The following LPA variants were observed in gnomAD, a reference collection of about 807,000 sequenced individuals.
The protein encoded by LPA is apolipoprotein(a).
LPA carries 199 observed loss-of-function variants against 197.9 expected under a neutral mutation model. The observed-to-expected ratio is 1.01, with a 90% CI of 0.90 to 1.13. LPA has a LOEUF of 1.13. Ranked by LOEUF, LPA falls within the 50% of genes most tolerant of loss-of-function variation. The pLI, the probability that LPA is intolerant of heterozygous loss-of-function variation, is 0.00. For missense variants in LPA, 1,853 were observed against 1,785.8 expected (o/e 1.04, Z -0.68); for synonymous variants, 715 against 639.5 (o/e 1.12, Z -1.78).
intron 1 of LPA, among the ~76,000 whole-genome samples, chr6:160,662,523 T>C (rs769420587): frequency 7.2e-5 from 11 of 152,180 alleles, no homozygotes; most frequent in Non-Finnish European, 1.6e-4. Flanking sequence ...CCCAGGTCGA[T>C]TAAAACATAT....
Position 160,589,589 on chromosome 6 carries a change from T to C in LPA, c.3911A>G (p.His1304Arg). 1 of 1,613,894 alleles carries C rather than the reference T, an allele frequency of 6.2e-7. No homozygotes were observed. Among genetic ancestry groups the C allele is most frequent in the Non-Finnish European group, 8.5e-7 (1 of 1,179,848 alleles). Residue 1304 changes from histidine to arginine, a missense_variant, in exon 24 of 39, where the codon CAC (histidine) becomes CGC (arginine). This residue lies in a region of LPA where 1,737 missense variants were observed against 1,504.4 expected (regional missense o/e 1.15). Coordinates refer to ENST00000316300, the MANE Select transcript of LPA (RefSeq NM_005577.4). Reference sequence around the variant, plus strand: ...GTATTCTGTGGTTCTCTGATGCCAGTGTGGTGTCATAGAGGACCAAGACTG... The same window carrying C: ...GTATTCTGTGGTTCTCTGATGCCAGCGTGGTGTCATAGAGGACCAAGACTG... ...TCQSWSSMTPHWHQRTTEYYP... is the reference protein window; with the variant it reads ...TCQSWSSMTPRWHQRTTEYYP...
intron 1 of LPA, among the ~76,000 whole-genome samples, chr6:160,656,550 A>T (rs1343982236): frequency 1.3e-5 from 2 of 152,194 alleles, no homozygotes; most frequent in Non-Finnish European, 2.9e-5. Flanking sequence ...CGTTTTGGGT[A>T]CCCTGGAATC....
At chr6:160,566,967 A>AATACAGGAGCAC (rs1237040626) in intron 28 of LPA, among the ~76,000 whole-genome samples, 8 of 152,230 alleles carry the variant, frequency 5.3e-5, no homozygotes. Context: ...ATATGCACCC[A>AATACAGGAGCAC]ATACAGGAGC....
rs771744742 is a variant in LPA, at chr6:160,585,033, A to G, written c.4289+13T>C. On this transcript the variant is annotated intron_variant, in intron 26 of 38. Coordinates refer to ENST00000316300, the MANE Select transcript of LPA (RefSeq NM_005577.4). ...GACTATTGTTCCTTTTATGGCTAAC[A>G]TGATAGACATACGCATTTGGATAGT... 4 of 1,613,526 alleles carry G rather than the reference A, an allele frequency of 2.5e-6. No homozygotes were observed. Among genetic ancestry groups the G allele is most frequent in the Admixed American group, 1.7e-5 (1 of 60,002 alleles).
chr6:160,541,739 C>A (rs183426095), intron 34 of LPA, among the ~76,000 whole-genome samples: 1 of 152,078 alleles, frequency 6.6e-6, no homozygotes, highest in African/African-American at 2.4e-5. Context: ...AGCCAGATTG[C>A]AACGAAGAGG....
chr6:160,555,238 A>T (rs1010892412), intron 30 of LPA, among the ~76,000 whole-genome samples: 7 of 119,950 alleles, frequency 5.8e-5, no homozygotes, highest in Non-Finnish European at 5.0e-5. Context: ...TATATATATT[A>T]ATTATATTAT....
chr6:160,594,497 A>G (rs1002785197), intron 21 of LPA, among the ~76,000 whole-genome samples: 1 of 152,232 alleles, frequency 6.6e-6, no homozygotes, highest in Non-Finnish European at 1.5e-5. Context: ...CAGTGGGGAC[A>G]GACATGAAAC....
chr6:160,551,628 T>C (rs1798585837), intron 30 of LPA, among the ~76,000 whole-genome samples: 1 of 152,236 alleles, frequency 6.6e-6, no homozygotes, highest in Non-Finnish European at 1.5e-5. Flanking sequence ...GTGAAGATTT[T>C]ATATTTTTTC....
At chr6:160,577,047 G>C in intron 28 of LPA, 89 bp downstream of exon 28, 1 of 1,511,100 alleles carries the variant, frequency 6.6e-7, no homozygotes, top group South Asian at 1.1e-5. Context: ...AGAGAAATTT[G>C]TCCCTAGGAA....
chr6:160,592,656 T>C (rs554877519), intron 22 of LPA, among the ~76,000 whole-genome samples: 1 of 152,346 alleles, frequency 6.6e-6, no homozygotes, highest in South Asian at 2.1e-4. Context: ...TTGTATTCGT[T>C]CCTTACCTCT....
intron 26 of LPA, among the ~76,000 whole-genome samples, chr6:160,582,471 T>C (rs1431202472): frequency 6.6e-6 from 1 of 152,100 alleles, no homozygotes; most frequent in African/African-American, 2.4e-5. Context: ...TCTGATTTGA[T>C]CTTTTTTTCT....
intron 22 of LPA, 27 bp from the exon 23 acceptor site, chr6:160,591,128 A>G (rs1204637782): frequency 1.9e-6 from 3 of 1,612,434 alleles, no homozygotes; most frequent in Non-Finnish European, 2.5e-6. Context: ...AATACAGTTC[A>G]CCAGAGATGG....
intron 28 of LPA, among the ~76,000 whole-genome samples, chr6:160,574,033 C>T (rs1009613777): frequency 3.3e-5 from 5 of 152,190 alleles, no homozygotes; most frequent in Admixed American, 6.5e-5. Flanking sequence ...TGGGACTAGG[C>T]GTGTCTGAGC....
chr6:160,606,030 C>G (rs769505216), intron 17 of LPA, among the ~76,000 whole-genome samples: 2 of 152,076 alleles, frequency 1.3e-5, no homozygotes, highest in African/African-American at 2.4e-5. Context: ...TTAATGCAAC[C>G]CTGTTAGCCC....
At chr6:160,597,340 T>C (rs1032064386) in intron 20 of LPA, among the ~76,000 whole-genome samples, 1 of 152,214 alleles carries the variant, frequency 6.6e-6, no homozygotes, top group Non-Finnish European at 1.5e-5. Flanking sequence ...TTTTCAATCA[T>C]ACATCACAAA....
At chr6:160,572,100 C>T (rs1226077938) in intron 28 of LPA, among the ~76,000 whole-genome samples, 2 of 152,172 alleles carry the variant, frequency 1.3e-5, no homozygotes, top group Non-Finnish European at 2.9e-5. Flanking sequence ...ACGGCACAGT[C>T]CCTCACGGCT....
At chr6:160,607,910 C>T (rs764531434) in intron 16 of LPA, among the ~76,000 whole-genome samples, 1 of 152,146 alleles carries the variant, frequency 6.6e-6, no homozygotes, top group Admixed American at 6.5e-5. Flanking sequence ...TTTGCAATAT[C>T]TCCTTGAACC....
Position 160,578,577 on chromosome 6 carries a change from G to A in LPA, c.4417C>T (p.Leu1473Phe). 2 of 1,614,000 alleles carry A rather than the reference G, an allele frequency of 1.2e-6. No individual in the cohort carries two copies. Among genetic ancestry groups the A allele is most frequent in the Non-Finnish European group, 1.7e-6 (2 of 1,179,912 alleles). ...TRCPVTESSV[L>F]TTPTVAPVPS... ...ACCGGGGCCACTGTGGGAGTTGTGA[G>A]GACACTCGATTCTGTCACTGGACAT... Residue 1473 changes from leucine to phenylalanine, a missense_variant, in exon 27 of 39, where the codon CTC becomes TTC. Leu to Phe is a conservative substitution (Grantham distance 22, BLOSUM62 0). This residue lies in a region of LPA where 1,737 missense variants were observed against 1,504.4 expected (regional missense o/e 1.15). Transcript: ENST00000316300.
intron 22 of LPA, among the ~76,000 whole-genome samples, chr6:160,591,582 G>T (rs1030898755): frequency 1.3e-5 from 2 of 152,208 alleles, no homozygotes; most frequent in Admixed American, 1.3e-4. Context: ...CTACATTCAT[G>T]AATTTATTCA....
Sources: allele counts gnomAD v4.1 joint callset (sites outside exome capture counted in the v4.1 genomes callset), GRCh38; gene constraint gnomAD v4.1.1; regional missense constraint gnomAD v4.1.1; transcripts MANE v1.5; gene names NCBI Gene and HGNC (gene_info 2026-07-23, HGNC 2026-07-21).